TTC6: variants seen among roughly 807,000 people sequenced by gnomAD.
TTC6 encodes the protein tetratricopeptide repeat domain 6.
Under a neutral mutation model 210.4 loss-of-function variants are expected in TTC6, and 172 were observed. The ratio of observed to expected loss-of-function variants is 0.82; its 90% CI spans 0.72 to 0.93. The LOEUF is 0.93. Ranked by LOEUF, TTC6 falls within the 40% of genes least tolerant of loss-of-function variation. The probability of loss-of-function intolerance (pLI) is 0.00; values close to 1 mark genes in which losing one functional copy is unlikely to be tolerated. For synonymous variants in TTC6, 804 were observed against 819.6 expected (o/e 0.98, Z 0.32); for missense variants, 2,414 against 2,318.1 (o/e 1.04, Z -0.85).
At chr14:37,618,249 G>A (rs1247995494), upstream of TTC6, among the ~76,000 whole-genome samples, 1 of 152,182 alleles carries the variant, frequency 6.6e-6, no homozygotes, top group African/African-American at 2.4e-5. Flanking sequence ...ATTTTTGGCT[G>A]GAGAACTTTC....
rs1484988527 is a variant in TTC6 at position 37,821,038 on chromosome 14, TTCTTC to T, written c.4764-2707_4764-2703del. On this transcript the variant is annotated intron_variant, in intron 26 of 30. Transcript: ENST00000553443. ...CTTCTTCTTCCTCTTCTTCTTCTTC[TTCTTC>T]TTCTTCTTCCTTCTTCTTTCTTTTT... Among the ~76,000 whole-genome samples the T allele has an allele frequency of 1.6e-3, 241 of 150,936 alleles. 3 individuals are homozygous for T. Among genetic ancestry groups the T allele is most frequent in the Non-Finnish European group, 2.5e-3 (168 of 67,694 alleles).
intron 27 of TTC6, 119 bp from the exon 30 acceptor site, chr14:37,826,076 A>T: frequency 9.4e-7 from 1 of 1,066,424 alleles, no homozygotes; most frequent in Non-Finnish European, 1.3e-6. Flanking sequence ...GAAAGAACTT[A>T]GATTTAGCAT....
intron 7 of TTC6, among the ~76,000 whole-genome samples, chr14:37,731,783 A>G (rs1197168235): frequency 2.0e-5 from 3 of 152,276 alleles, no homozygotes; most frequent in Non-Finnish European, 4.4e-5. Context: ...ACCTTTCTGT[A>G]TTCTTATATT....
intron 7 of TTC6, among the ~76,000 whole-genome samples, chr14:37,727,721 CT>C (rs1389741395): frequency 6.6e-5 from 10 of 151,160 alleles, no homozygotes; most frequent in Admixed American, 2.6e-4. Context: ...TTTGCAGTGT[CT>C]TTATTTATTT....
chr14:37,787,396 G>A (rs966170135), intron 14 of TTC6, 72 bp from the exon 17 acceptor site: 1 of 1,029,684 alleles, frequency 9.7e-7, no homozygotes, highest in Non-Finnish European at 1.3e-6. Flanking sequence ...TATAAAATTA[G>A]TTGTACAGGT....
At chr14:37,669,417 G>T (rs2095754267) in intron 1 of TTC6, among the ~76,000 whole-genome samples, 1 of 152,166 alleles carries the variant, frequency 6.6e-6, no homozygotes, top group Admixed American at 6.5e-5. Context: ...TTCTCCACTT[G>T]CAGTTCTCTT....
chr14:37,730,104 A>G (rs1184895459), intron 7 of TTC6, among the ~76,000 whole-genome samples: 1 of 152,184 alleles, frequency 6.6e-6, no homozygotes, highest in Non-Finnish European at 1.5e-5. Flanking sequence ...TTTCACCGGA[A>G]CTGGCATTGA....
intron 1 of TTC6, among the ~76,000 whole-genome samples, chr14:37,649,462 T>C (rs890349429): frequency 6.6e-6 from 1 of 152,200 alleles, no homozygotes; most frequent in Non-Finnish European, 1.5e-5. Flanking sequence ...CAACTTCCTC[T>C]GGGCCAGGAA....
At chr14:37,622,180 A>G (rs1485355839) in exon 1 of TTC6, 2 of 1,535,588 alleles carry the variant, frequency 1.3e-6, no homozygotes, top group South Asian at 2.4e-5. Flanking sequence ...TTCAAGCAGA[A>G]GTTGGCCTCC....
intron 24 of TTC6, among the ~76,000 whole-genome samples, 166 bp downstream of exon 26, chr14:37,809,012 A>G (rs1203262344): frequency 6.6e-6 from 1 of 152,174 alleles, no homozygotes; most frequent in Admixed American, 6.5e-5. Context: ...CTTCTGCTAC[A>G]ATTTTCAAAA....
exon 18 of TTC6, chr14:37,795,312 A>G (rs780807141): frequency 1.3e-6 from 2 of 1,532,366 alleles, no homozygotes; most frequent in East Asian, 2.5e-5. Flanking sequence ...GTCTCGTGCT[A>G]TCCACCTTCA....
chr14:37,708,539 A>G (rs2095839435), intron 5 of TTC6, among the ~76,000 whole-genome samples: 1 of 152,020 alleles, frequency 6.6e-6, no homozygotes, highest in East Asian at 1.9e-4. Flanking sequence ...GGCTTTTATT[A>G]TATTCTACTG....
intron 14 of TTC6, among the ~76,000 whole-genome samples, chr14:37,769,483 T>A (rs2096010811): frequency 6.6e-6 from 1 of 152,158 alleles, no homozygotes; most frequent in South Asian, 2.1e-4. Flanking sequence ...TTTCAGCTCC[T>A]GTTATTGGTC....
chr14:37,807,636 G>T (rs1211015807), intron 23 of TTC6, among the ~76,000 whole-genome samples, 176 bp downstream of exon 25: 2 of 151,502 alleles, frequency 1.3e-5, no homozygotes, highest in African/African-American at 4.9e-5. Context: ...ACAAAATAAT[G>T]GTATTTATTT....
chr14:37,814,791 G>A (rs1009491495), intron 25 of TTC6, among the ~76,000 whole-genome samples: 1 of 152,168 alleles, frequency 6.6e-6, no homozygotes, highest in East Asian at 1.9e-4. Context: ...GGCAGGGGAA[G>A]AAGCAATGAA....
At chr14:37,706,899 T>C (rs931146454) in intron 5 of TTC6, among the ~76,000 whole-genome samples, 2 of 150,778 alleles carry the variant, frequency 1.3e-5, no homozygotes, top group African/African-American at 4.9e-5. Flanking sequence ...CTTATCAGAA[T>C]TTTTTTTCTG....
chr14:37,774,339 G>T (rs2096030441), intron 14 of TTC6, among the ~76,000 whole-genome samples: 1 of 152,052 alleles, frequency 6.6e-6, no homozygotes, highest in South Asian at 2.1e-4. Context: ...TCTTTTTCTG[G>T]TTTTTAAGGG....
chr14:37,751,845 G>A (rs1015138778), intron 13 of TTC6, among the ~76,000 whole-genome samples: 1 of 112,216 alleles, frequency 8.9e-6, no homozygotes, highest in African/African-American at 3.2e-5. Context: ...TTTTTTTGAG[G>A]CAGAGTCTTG....
chr14:37,711,251 T>G (rs1415739921), intron 5 of TTC6, among the ~76,000 whole-genome samples: 3 of 152,134 alleles, frequency 2.0e-5, no homozygotes, highest in Non-Finnish European at 4.4e-5. Context: ...CCATTCAAAT[T>G]TTTGGGAGAC....
Sources: gnomAD v4.1 joint callset for allele counts (sites outside exome capture counted in the v4.1 genomes callset) on GRCh38, gnomAD v4.1.1 for gene constraint, MANE v1.5 for transcripts, NCBI Gene and HGNC (gene_info 2026-07-23, HGNC 2026-07-21) for gene names.